Variants in LARP4B observed in about 807,000 individuals in gnomAD.
The protein encoded by LARP4B is la-related protein 4B.
Under a neutral mutation model 89.8 loss-of-function variants are expected in LARP4B, and 12 were observed. The ratio of observed to expected loss-of-function variants is 0.13; its 90% CI spans 0.09 to 0.22. LARP4B has a LOEUF of 0.22. Ranked by LOEUF, LARP4B falls within the 10% of genes least tolerant of loss-of-function variation. LARP4B has a pLI of 1.00. For missense variants in LARP4B, 757 were observed against 947.7 expected (o/e 0.80, Z 2.64); for synonymous variants, 367 against 363.3 (o/e 1.01, Z -0.12).
In LARP4B at chr10:817,862, G is replaced by T; in HGVS notation, c.1558C>A (p.Pro520Thr). The change falls in exon 15 of 18, where the codon CCA becomes ACA. Residue 520 changes from proline (P) to threonine (T), a missense_variant. Pro to Thr is a conservative substitution (Grantham distance 38, BLOSUM62 -1). Transcript: ENST00000316157. ...TSSQTQSPTP[P>T]KPPSPSFELG... ...TCGAAGCTTGGCGACGGAGGCTTTGGTGGCGTTGGAGACTGTGTCTGGCTG... is the reference window on the plus strand; with the variant it reads ...TCGAAGCTTGGCGACGGAGGCTTTGTTGGCGTTGGAGACTGTGTCTGGCTG... 1 of 1,614,168 alleles carries T rather than the reference G, an allele frequency of 6.2e-7. No individual in the cohort carries two copies.
At chr10:892,835 G>A (rs940172675) in intron 1 of LARP4B, among the ~76,000 whole-genome samples, 5 of 149,676 alleles carry the variant, frequency 3.3e-5, no homozygotes, top group African/African-American at 7.4e-5. Context: ...CACCGCGCCC[G>A]GCAAAATTAT....
the LARP4B span, chr10:988,288 G>A: frequency 0.17 from 96,178 of 573,628 alleles, 9,736 homozygotes; most frequent in Non-Finnish European, 0.22. Flanking sequence ...GCCCTCACAC[G>A]CCCTCCGTGG....
intron 3 of LARP4B, among the ~76,000 whole-genome samples, chr10:867,589 G>C (rs778035895): frequency 1.3e-5 from 2 of 152,138 alleles, no homozygotes; most frequent in African/African-American, 2.4e-5. Flanking sequence ...GGCCGGGTGT[G>C]GTGGCTTATG....
In LARP4B at chr10:810,707, C is replaced by T. The variant is rs548725788; in HGVS notation, c.*2219G>A. ...GCCCTTCCGTAGCGAAGATGCAGCT[C>T]GTAGGCCCAGGCCTCGAGGTTGCCT... On this transcript the variant is annotated 3_prime_UTR_variant, in exon 18 of 18. Coordinates refer to ENST00000316157, the MANE Select transcript of LARP4B (RefSeq NM_015155.3). 2.7e-4 allele frequency: 41 copies of T among 152,128 alleles called. No individual in the cohort carries two copies. The highest frequency in any genetic ancestry group is 8.0e-4 in the African/African-American group (33 of 41,496). The allele number at this position is 152,128 out of a possible 1,614,324, so 9.4% of individuals were successfully genotyped here. A position where few individuals can be genotyped will look rare whatever the true frequency, so the allele number is the denominator to read the frequency against.
intron 3 of LARP4B, among the ~76,000 whole-genome samples, chr10:880,687 C>CA (rs34640205): frequency 0.18 from 25,615 of 140,918 alleles, 2,428 homozygotes; most frequent in Non-Finnish European, 0.23. Flanking sequence ...GAGGCTGACT[C>CA]AAAAAAAAAA....
intron 7 of LARP4B, among the ~76,000 whole-genome samples, chr10:837,488 T>C (rs1234687655): frequency 6.6e-6 from 1 of 152,192 alleles, no homozygotes; most frequent in Non-Finnish European, 1.5e-5. Flanking sequence ...AAAATTCATA[T>C]AAAAATGCAA....
At chr10:925,573 G>A (rs367878673) in intron 1 of LARP4B, among the ~76,000 whole-genome samples, 32 of 152,032 alleles carry the variant, frequency 2.1e-4, no homozygotes, top group East Asian at 1.4e-3. Context: ...TCACTCTGTC[G>A]CCCAGGCTGG....
At chr10:817,653 A>G in intron 15 of LARP4B, 72 bp downstream of exon 15, 5 of 1,443,004 alleles carry the variant, frequency 3.5e-6, no homozygotes, top group Non-Finnish European at 4.8e-6. Flanking sequence ...TAAAGAGCTC[A>G]GCAAAGCGCC....
At chr10:887,925 TG>T (rs1176127340) in intron 1 of LARP4B, among the ~76,000 whole-genome samples, 4 of 151,826 alleles carry the variant, frequency 2.6e-5, no homozygotes, top group African/African-American at 9.7e-5. Context: ...CTCAGGAGGC[TG>T]AGACACTAGA....
the LARP4B span, among the ~76,000 whole-genome samples, chr10:938,499 C>T: frequency 3.4e-4 from 51 of 150,868 alleles, no homozygotes; most frequent in Non-Finnish European, 3.1e-4. Context: ...GTGATCCGCC[C>T]GCCTCGGCCT....
intron 1 of LARP4B, among the ~76,000 whole-genome samples, chr10:916,388 A>G (rs1434859636): frequency 4.6e-5 from 7 of 150,800 alleles, no homozygotes; most frequent in Admixed American, 4.6e-4. Flanking sequence ...ATGGAAAATA[A>G]TTTTTTTTTT....
upstream of LARP4B, chr10:932,900 AACCCCCAACCCAC>A (rs1347477430): frequency 1.3e-4 from 20 of 149,406 alleles, no homozygotes; most frequent in African/African-American, 4.2e-4. Flanking sequence ...CCCTTCCCCA[AACCCCCAACCCAC>A]ACCCGGGACC....
intron 14 of LARP4B, chr10:819,431 T>A (rs2131612482): frequency 6.6e-6 from 1 of 152,166 alleles, no homozygotes; most frequent in Middle Eastern, 3.4e-3. Context: ...CCCATGGGCG[T>A]GGTTAGGCCC....
upstream of LARP4B, among the ~76,000 whole-genome samples, chr10:935,821 T>C (rs1564453605): frequency 6.7e-6 from 1 of 148,870 alleles, no homozygotes; most frequent in Non-Finnish European, 1.5e-5. Flanking sequence ...CGAGTTCAAG[T>C]GATTCTCCTG....
At chr10:829,784 A>C in intron 9 of LARP4B, 50 bp from the exon 10 acceptor site, 1 of 1,303,542 alleles carries the variant, frequency 7.7e-7, no homozygotes, top group Non-Finnish European at 1.1e-6. Context: ...CTTATGAATA[A>C]GAGGCACCAA....
chr10:887,344 G>A (rs1279636173), intron 1 of LARP4B, among the ~76,000 whole-genome samples: 2 of 151,794 alleles, frequency 1.3e-5, no homozygotes, highest in East Asian at 3.9e-4. Flanking sequence ...ATATTAATGG[G>A]CTGGACTCCA....
the LARP4B span, among the ~76,000 whole-genome samples, chr10:951,749 C>T: frequency 6.6e-6 from 1 of 152,178 alleles, no homozygotes; most frequent in African/African-American, 2.4e-5. Flanking sequence ...GAAATTGCAC[C>T]AGCCCAGAAT....
the LARP4B span, among the ~76,000 whole-genome samples, chr10:974,688 G>A: frequency 6.6e-6 from 1 of 152,188 alleles, no homozygotes; most frequent in African/African-American, 2.4e-5. Flanking sequence ...CGCCCATTAG[G>A]CCAGACTGTA....
intron 1 of LARP4B, among the ~76,000 whole-genome samples, chr10:899,318 G>A (rs997039263): frequency 1.3e-5 from 2 of 152,090 alleles, no homozygotes; most frequent in African/African-American, 2.4e-5. Context: ...TGTGCTGTAT[G>A]GGAGCCAAAT....
Sources: gnomAD v4.1 joint callset for allele counts (sites outside exome capture counted in the v4.1 genomes callset) on GRCh38, gnomAD v4.1.1 for gene constraint, MANE v1.5 for transcripts, NCBI Gene and HGNC (gene_info 2026-07-23, HGNC 2026-07-21) for gene names.